Variants in MCF2L observed in about 807,000 individuals in gnomAD.
MCF2L encodes MCF.2 cell line derived transforming sequence like, also known as guanine nucleotide exchange factor DBS.
MCF2L carries 97 observed loss-of-function variants against 153.4 expected under a neutral mutation model. The observed-to-expected ratio is 0.63, with a 90% CI of 0.54 to 0.75. The LOEUF (loss-of-function observed/expected upper bound fraction) is 0.75, where lower values mean the gene tolerates loss of function less well. Ranked by LOEUF, MCF2L falls within the 30% of genes least tolerant of loss-of-function variation. The pLI is 0.00. For missense variants in MCF2L, 1,347 were observed against 1,495.2 expected, an observed-to-expected ratio of 0.90 and a Z score of 1.64; for synonymous variants, 659 against 632.2, an observed-to-expected ratio of 1.04 and a Z score of -0.64.
chr13:112,952,672 A>T (rs930628671), intron 2 of MCF2L, among the ~76,000 whole-genome samples: 1 of 152,228 alleles, frequency 6.6e-6, no homozygotes, highest in South Asian at 2.1e-4. Flanking sequence ...TAAATGCATT[A>T]CTATTAGTAA....
At chr13:113,010,741 A>C (rs2084039629) in intron 1 of MCF2L, among the ~76,000 whole-genome samples, 2 of 151,792 alleles carry the variant, frequency 1.3e-5, no homozygotes, top group African/African-American at 2.4e-5. Flanking sequence ...TGGGGTCATC[A>C]CTGGGGAGTT....
intron 2 of MCF2L, chr13:112,917,514 A>C (rs924584710): frequency 2.4e-5 from 7 of 295,478 alleles, no homozygotes; most frequent in African/African-American, 1.5e-4. Context: ...GCAAGCGGTG[A>C]CCTCTCGAAG....
chr13:113,033,310 AGTGGCCCCTGTGG>A, intron 3 of MCF2L, among the ~76,000 whole-genome samples: 1 of 110,358 alleles, frequency 9.1e-6, no homozygotes, highest in African/African-American at 3.9e-5. Context: ...CCGTGGCGTG[AGTGGCCCCTGTGG>A]CGTGAGTGGC....
chr13:112,997,044 C>G (rs554470230), intron 1 of MCF2L, among the ~76,000 whole-genome samples: 1 of 152,362 alleles, frequency 6.6e-6, no homozygotes, highest in South Asian at 2.1e-4. Context: ...GCCGCCCTCG[C>G]CTGCACTGCT....
intron 1 of MCF2L, among the ~76,000 whole-genome samples, chr13:113,002,629 A>G (rs1185071603): frequency 1.3e-5 from 2 of 152,194 alleles, no homozygotes; most frequent in Non-Finnish European, 2.9e-5. Flanking sequence ...CATCCTGACA[A>G]TTGGAGCTTT....
chr13:113,090,170 G>A, intron 26 of MCF2L: 1 of 1,527,238 alleles, frequency 6.5e-7, no homozygotes, highest in Non-Finnish European at 8.8e-7. Flanking sequence ...GGTAAAAGTA[G>A]TGCCTGCCCC....
chr13:112,963,086 C>A (rs1330633115), intron 2 of MCF2L, among the ~76,000 whole-genome samples: 1 of 152,172 alleles, frequency 6.6e-6, no homozygotes, highest in Non-Finnish European at 1.5e-5. Flanking sequence ...AGGCTGGTGC[C>A]AGATCTGTCA....
At chr13:112,992,501 C>T (rs368399465) in intron 1 of MCF2L, among the ~76,000 whole-genome samples, 134 of 152,356 alleles carry the variant, frequency 8.8e-4, no homozygotes, top group African/African-American at 2.8e-3. Flanking sequence ...GTGCTCCAGA[C>T]GTTCCCGCCG....
chr13:113,095,876 G>A (rs1392961154), intron 27 of MCF2L: 45 of 868,946 alleles, frequency 5.2e-5, no homozygotes, highest in Non-Finnish European at 6.1e-5. Context: ...TCTAGGCCCC[G>A]GAGACAAAGC....
chr13:112,970,110 C>G (rs1420650076), intron 1 of MCF2L, among the ~76,000 whole-genome samples: 2 of 152,126 alleles, frequency 1.3e-5, no homozygotes, highest in African/African-American at 4.8e-5. Flanking sequence ...GCGGTCGCAT[C>G]TGAGTTCTCA....
intron 1 of MCF2L, among the ~76,000 whole-genome samples, chr13:112,984,085 G>C (rs929210958): frequency 6.6e-6 from 1 of 152,208 alleles, no homozygotes; most frequent in South Asian, 2.1e-4. Context: ...TGGCATGGTG[G>C]CAGAGATACC....
At chr13:112,965,371 A>T (rs1251414986), upstream of MCF2L, 2 of 152,166 alleles carry the variant, frequency 1.3e-5, no homozygotes, top group African/African-American at 4.8e-5. Flanking sequence ...AGCTCTGGGC[A>T]CGCAGGAGTC....
At chr13:112,945,037 G>A (rs2081623435) in intron 2 of MCF2L, among the ~76,000 whole-genome samples, 1 of 147,034 alleles carries the variant, frequency 6.8e-6, no homozygotes, top group East Asian at 2.0e-4. Flanking sequence ...ATTTGAGGAA[G>A]ATGGTGCAGG....
In MCF2L at chr13:112,993,596, C is replaced by T. The variant is rs1277305368; in HGVS notation, c.80-21167C>T. Among the ~76,000 whole-genome samples the T allele has an allele frequency of 6.6e-6, 1 of 151,770 alleles. No homozygotes were observed. The highest frequency in any genetic ancestry group is 2.4e-5 in the African/African-American group (1 of 41,290). On this transcript the variant is annotated intron_variant, in intron 1 of 29. Coordinates refer to ENST00000535094, the MANE Select transcript of MCF2L (RefSeq NM_001112732.3). The surrounding 1 kb of genome is among the most constrained non-coding windows in gnomAD (Gnocchi z 4.6). ...GGGTGCCTGGAGAGAGGTTTCAGGG[C>T]AGGAGGGACGGGGCTTAGGGATGTT...
At position 112,983,809 on chromosome 13, in the gene MCF2L, T is replaced by C. The variant is rs547168146; in HGVS notation, c.79+14351T>C. Among the ~76,000 whole-genome samples, 471 of 152,286 alleles carry C rather than the reference T, an allele frequency of 3.1e-3. 3 individuals are homozygous for C. The highest frequency in any genetic ancestry group is 0.011 in the African/African-American group (461 of 41,554). ...GTCCACCTGTGTGTCTGGGTCAGGC[T>C]GGCTTCTGCATCTCTGTGGACAGAC... is the stretch of plus-strand genomic sequence containing the variant. On this transcript the variant is annotated intron_variant, in intron 1 of 29. Transcript: ENST00000535094. The surrounding 1 kb of genome is among the most constrained non-coding windows in gnomAD (Gnocchi z 4.0).
At chr13:112,936,316 C>T (rs1206902532) in intron 2 of MCF2L, among the ~76,000 whole-genome samples, 3 of 150,746 alleles carry the variant, frequency 2.0e-5, no homozygotes, top group Non-Finnish European at 4.4e-5. Flanking sequence ...CCCAGTCCTG[C>T]CAACACCTTG....
chr13:112,942,686 G>A lies in MCF2L; in HGVS notation c.169+40315G>A, dbSNP rs890384667. Reference sequence around the variant, plus strand: ...AGTTTTAAATTAGTAAAAAAACTCTGTCTAGTTACGTGTAAAACGAAGTGA... The same window carrying A: ...AGTTTTAAATTAGTAAAAAAACTCTATCTAGTTACGTGTAAAACGAAGTGA... On this transcript the variant is annotated intron_variant, in intron 2 of 29. Coordinates refer to the MCF2L transcript ENST00000375608. Among the ~76,000 whole-genome samples, 96 of 152,214 alleles carry A rather than the reference G, an allele frequency of 6.3e-4. 1 individual carries two copies. The highest frequency in any genetic ancestry group is 2.2e-3 in the African/African-American group (93 of 41,462).
intron 2 of MCF2L, among the ~76,000 whole-genome samples, chr13:112,947,744 C>T (rs1013892726): frequency 6.6e-5 from 10 of 152,194 alleles, no homozygotes; most frequent in African/African-American, 2.4e-4. Context: ...GCAGTTCTCC[C>T]AGGCTGGGGC....
rs537405710 is a variant in MCF2L at position 112,972,447 on chromosome 13, T to C, written c.79+2989T>C. ...GTGGATGGATGGGTGGGTGGATGAA[T>C]GTAAGGGTGGATGAGTGGGTGTGTG... On this transcript the variant is annotated intron_variant, in intron 1 of 29. Coordinates refer to ENST00000535094, the MANE Select transcript of MCF2L (RefSeq NM_001112732.3). 1.8e-3 allele frequency among the ~76,000 whole-genome samples: 261 copies of C among 145,510 alleles called. 2 individuals are homozygous for C. The highest frequency in any genetic ancestry group is 6.5e-3 in the African/African-American group (250 of 38,700).
Sources: gnomAD v4.1 joint callset for allele counts (sites outside exome capture counted in the v4.1 genomes callset) on GRCh38, gnomAD v4.1.1 for gene constraint, Gnocchi (gnomAD v3.1) non-coding constraint, MANE v1.5 for transcripts, NCBI Gene and HGNC (gene_info 2026-07-23, HGNC 2026-07-21) for gene names.